Variants in R3HDM2 observed in about 807,000 individuals in gnomAD.
R3HDM2 encodes R3H domain containing 2, also known as R3H domain-containing protein 2.
Under a neutral mutation model 124.5 loss-of-function variants are expected in R3HDM2, and 38 were observed. The ratio of observed to expected loss-of-function variants is 0.31; its 90% CI spans 0.24 to 0.40. R3HDM2 has a LOEUF of 0.40. Among genes scored for constraint, R3HDM2 ranks in the 10% least tolerant of loss-of-function variants. The pLI is 1.00. For synonymous variants in R3HDM2, 391 were observed against 448.0 expected, an observed-to-expected ratio of 0.87 and a Z score of 1.61; for missense variants, 869 against 1,236.9, an observed-to-expected ratio of 0.70 and a Z score of 4.46.
chr12:57,254,753 G>A lies in R3HDM2; in HGVS notation c.*20C>T, dbSNP rs760025177. The A allele has an allele frequency of 2.0e-6, 3 of 1,494,058 alleles. No individual in the cohort carries two copies. The South Asian group carries it at 3.8e-5, about 19-fold the overall frequency. 92.6% of individuals were successfully genotyped at this position (1,494,058 alleles called of 1,614,324 possible). Reference sequence around the variant, plus strand: ...CCCTGCCCTTGCTCCTTCTGTGACAGTCCCTTTCCCCTCCTCCATTTATTG... The same window carrying A: ...CCCTGCCCTTGCTCCTTCTGTGACAATCCCTTTCCCCTCCTCCATTTATTG... On this transcript the variant is annotated 3_prime_UTR_variant, in exon 24 of 24. Transcript: ENST00000402412.
At chr12:57,355,043 C>T (rs1305807549) in intron 2 of R3HDM2, among the ~76,000 whole-genome samples, 1 of 152,000 alleles carries the variant, frequency 6.6e-6, no homozygotes, top group African/African-American at 2.4e-5. Context: ...GCCTCCACCT[C>T]CCACAGTGCT....
chr12:57,274,152 G>T (rs2044181219), intron 14 of R3HDM2, among the ~76,000 whole-genome samples: 2 of 151,890 alleles, frequency 1.3e-5, no homozygotes, highest in Non-Finnish European at 2.9e-5. Context: ...CTTGGTTCAG[G>T]CATATATATT....
At position 57,429,513 on chromosome 12, in the gene R3HDM2, A is replaced by G. The variant is rs570189930; in HGVS notation, c.-106+1207T>C. On this transcript the variant is annotated intron_variant, in intron 1 of 23. Coordinates refer to ENST00000402412, the MANE Select transcript of R3HDM2 (RefSeq NM_001394031.1). Reference sequence around the variant, plus strand: ...CAAGGCAGGTGGATCACTTGAGCCCAGGAGTTCCAGACCAGCCTGGGCAGC... The same window carrying G: ...CAAGGCAGGTGGATCACTTGAGCCCGGGAGTTCCAGACCAGCCTGGGCAGC... 2.0e-4 allele frequency among the ~76,000 whole-genome samples: 30 copies of G among 152,290 alleles called. 2 individuals carry two copies. The highest frequency in any genetic ancestry group is 7.2e-4 in the African/African-American group (30 of 41,552).
At chr12:57,261,557 G>A (rs143705613) in intron 19 of R3HDM2, among the ~76,000 whole-genome samples, 1,710 of 152,158 alleles carry the variant, frequency 0.011, 32 homozygotes, top group African/African-American at 0.039. Flanking sequence ...CAAAGCCAGG[G>A]TTTTTAGTTG....
chr12:57,355,373 G>A (rs1041363804), intron 2 of R3HDM2, among the ~76,000 whole-genome samples: 1 of 150,714 alleles, frequency 6.6e-6, no homozygotes, highest in African/African-American at 2.4e-5. Flanking sequence ...GCAGGAGAAT[G>A]GCGTGAACCC....
At chr12:57,369,279 G>C (rs906671020) in intron 2 of R3HDM2, among the ~76,000 whole-genome samples, 2 of 152,148 alleles carry the variant, frequency 1.3e-5, no homozygotes, top group African/African-American at 4.8e-5. Context: ...AAGTGTCATA[G>C]GAATTTGGAA....
chr12:57,268,832 T>G, intron 17 of R3HDM2, 90 bp downstream of exon 17: 4 of 1,438,574 alleles, frequency 2.8e-6, no homozygotes, highest in Non-Finnish European at 3.8e-6. Flanking sequence ...ATTTTAGTAT[T>G]GGAGTTTTTA....
intron 3 of R3HDM2, among the ~76,000 whole-genome samples, chr12:57,307,599 G>A (rs146239652): frequency 6.8e-6 from 1 of 147,024 alleles, no homozygotes; most frequent in African/African-American, 2.5e-5. Context: ...GGGATTATAG[G>A]CATGAGCCAC....
At chr12:57,374,620 T>C (rs1414678629) in intron 2 of R3HDM2, among the ~76,000 whole-genome samples, 2 of 135,056 alleles carry the variant, frequency 1.5e-5, no homozygotes, top group East Asian at 2.1e-4. Flanking sequence ...GAGGCGGAGG[T>C]TGCAGTGAGC....
At chr12:57,273,722 G>A (rs532301937) in intron 14 of R3HDM2, among the ~76,000 whole-genome samples, 75 of 152,262 alleles carry the variant, frequency 4.9e-4, no homozygotes, top group Non-Finnish European at 8.1e-4. Flanking sequence ...AGAAGTCAAG[G>A]AGAATTATCC....
chr12:57,370,317 C>A (rs962315171), intron 2 of R3HDM2, among the ~76,000 whole-genome samples: 1 of 151,062 alleles, frequency 6.6e-6, no homozygotes, highest in East Asian at 2.0e-4. Context: ...CCTCCCCAGG[C>A]ACGCGGAACT....
intron 1 of R3HDM2, among the ~76,000 whole-genome samples, chr12:57,417,712 A>G (rs578017112): frequency 2.0e-5 from 3 of 152,340 alleles, no homozygotes; most frequent in African/African-American, 7.2e-5. Context: ...ACAGTCCTCC[A>G]CTGGCACAAG....
intron 2 of R3HDM2, among the ~76,000 whole-genome samples, chr12:57,343,782 A>AG (rs1421860707): frequency 6.6e-6 from 1 of 151,638 alleles, no homozygotes; most frequent in Non-Finnish European, 1.5e-5. Context: ...AAAAAAAAAA[A>AG]AAAACAGGTT....
At chr12:57,416,812 G>T (rs2069660844) in intron 1 of R3HDM2, among the ~76,000 whole-genome samples, 1 of 139,944 alleles carries the variant, frequency 7.1e-6, no homozygotes, top group Non-Finnish European at 1.6e-5. Context: ...TGTCCCCCCC[G>T]CCCCACAAAA....
At chr12:57,353,325 A>G (rs2060880881) in intron 2 of R3HDM2, among the ~76,000 whole-genome samples, 1 of 152,284 alleles carries the variant, frequency 6.6e-6, no homozygotes, top group East Asian at 1.9e-4. Context: ...AAGACTAAAA[A>G]TTAGAAACTC....
intron 19 of R3HDM2, among the ~76,000 whole-genome samples, chr12:57,259,984 T>C (rs542309377): frequency 6.6e-6 from 1 of 151,946 alleles, no homozygotes; most frequent in African/African-American, 2.4e-5. Flanking sequence ...CTACTGAAGG[T>C]CGGGCACAGT....
intron 11 of R3HDM2, among the ~76,000 whole-genome samples, chr12:57,289,672 C>T (rs1281909858): frequency 6.6e-6 from 1 of 152,194 alleles, no homozygotes; most frequent in Non-Finnish European, 1.5e-5. Context: ...GGTGGATTCC[C>T]AAGCTTTAGG....
At chr12:57,324,467 G>A (rs986504117) in intron 2 of R3HDM2, among the ~76,000 whole-genome samples, 2 of 152,208 alleles carry the variant, frequency 1.3e-5, no homozygotes, top group African/African-American at 4.8e-5. Flanking sequence ...ACAGGCGTAA[G>A]CCACTGCGCC....
chr12:57,376,820 AAG>A (rs1438280894), intron 2 of R3HDM2, among the ~76,000 whole-genome samples: 3 of 151,848 alleles, frequency 2.0e-5, no homozygotes, highest in African/African-American at 7.3e-5. Context: ...GTGTGGTGGC[AAG>A]TGCCTGTAAT....
Sources: gnomAD v4.1 joint callset for allele counts (sites outside exome capture counted in the v4.1 genomes callset) on GRCh38, gnomAD v4.1.1 for gene constraint, MANE v1.5 for transcripts, NCBI Gene and HGNC (gene_info 2026-07-23, HGNC 2026-07-21) for gene names.